UBP1: variants seen among roughly 807,000 people sequenced by gnomAD.
UBP1 encodes upstream binding protein 1.
A neutral mutation model predicts 76.1 loss-of-function variants in UBP1; 22 were observed. The ratio of observed to expected loss-of-function variants is 0.29; its 90% CI spans 0.21 to 0.41. UBP1 has a LOEUF of 0.41. UBP1 is among the 10% of genes least tolerant of loss of function. UBP1 has a pLI of 1.00. For missense variants in UBP1, 436 were observed against 668.1 expected, an observed-to-expected ratio of 0.65 and a Z score of 3.83; for synonymous variants, 224 against 237.1, an observed-to-expected ratio of 0.94 and a Z score of 0.51.
In UBP1 at chr3:33,406,957, C is replaced by T. The variant is rs116070715; in HGVS notation, c.927+1733G>A. Among the ~76,000 whole-genome samples, 609 of 152,308 alleles carry T rather than the reference C, an allele frequency of 4.0e-3. 6 individuals are homozygous for T. The highest frequency in any genetic ancestry group is 0.013 in the African/African-American group (552 of 41,560). ...GGCACCATTTCATTCGGCATCTTTT[C>T]GACTCTAACAGTAAGTCTGGATATC... On this transcript the variant is annotated intron_variant, in intron 8 of 15. Coordinates refer to ENST00000283629, the MANE Select transcript of UBP1 (RefSeq NM_014517.5).
chr3:33,394,929 C>T (rs979178581), intron 13 of UBP1, among the ~76,000 whole-genome samples: 1 of 151,102 alleles, frequency 6.6e-6, no homozygotes, highest in Non-Finnish European at 1.5e-5. Flanking sequence ...ATGTGAGAGA[C>T]CCTATGTATG....
At chr3:33,410,563 T>C (rs1028470855) in intron 5 of UBP1, among the ~76,000 whole-genome samples, 1 of 152,216 alleles carries the variant, frequency 6.6e-6, no homozygotes, top group Non-Finnish European at 1.5e-5. Flanking sequence ...AAAGCATAGC[T>C]TATGAAGGCT....
intron 11 of UBP1, among the ~76,000 whole-genome samples, chr3:33,399,264 T>C (rs1021385899): frequency 6.6e-6 from 1 of 152,208 alleles, no homozygotes; most frequent in Non-Finnish European, 1.5e-5. Flanking sequence ...GAGCCAAATA[T>C]ATTTGGGAAA....
At chr3:33,436,304 T>C (rs2045203915) in intron 1 of UBP1, among the ~76,000 whole-genome samples, 1 of 152,258 alleles carries the variant, frequency 6.6e-6, no homozygotes, top group African/African-American at 2.4e-5. Context: ...ATACATTGTA[T>C]CATTAACTAC....
intron 7 of UBP1, 66 bp downstream of exon 7, chr3:33,409,170 A>G: frequency 6.8e-7 from 1 of 1,466,834 alleles, no homozygotes; most frequent in Non-Finnish European, 9.5e-7. Flanking sequence ...AGCAGAACTC[A>G]TCTTAGAAAT....
chr3:33,419,952 T>A (rs1006692589), intron 2 of UBP1, among the ~76,000 whole-genome samples: 2 of 152,222 alleles, frequency 1.3e-5, no homozygotes, highest in Non-Finnish European at 2.9e-5. Context: ...TTTCATGTTT[T>A]ATTTTTTGTT....
In UBP1 at chr3:33,408,609, A is replaced by C; in HGVS notation, c.927+81T>G. The stretch of plus-strand genomic sequence containing the variant: ...GGACATCAAAAACAATTTTGGCTTT[A>C]CTTTGCGGTGGAAGTTGGTCCTATA... On this transcript the variant is annotated intron_variant, in intron 8 of 15. Coordinates refer to ENST00000283629, the MANE Select transcript of UBP1 (RefSeq NM_014517.5). 5 of 1,175,444 alleles carry C rather than the reference A, an allele frequency of 4.3e-6. No homozygotes were observed. The Admixed American group carries it at 8.2e-5, about 19-fold the overall frequency. The allele number at this position is 1,175,444 out of a possible 1,614,324, so 72.8% of individuals were successfully genotyped here. A position where few individuals can be genotyped will look rare whatever the true frequency, so the allele number is the denominator to read the frequency against.
chr3:33,434,368 G>A (rs562059120), intron 1 of UBP1, among the ~76,000 whole-genome samples: 1 of 141,850 alleles, frequency 7.0e-6, no homozygotes, highest in Non-Finnish European at 1.5e-5. Context: ...GAGCAATCTC[G>A]GCTCACTGTA....
chr3:33,427,103 G>T (rs1438542467), intron 1 of UBP1, among the ~76,000 whole-genome samples: 2 of 152,214 alleles, frequency 1.3e-5, no homozygotes, highest in Non-Finnish European at 2.9e-5. Context: ...AAGTAGCTGG[G>T]ATTAGAGGCA....
chr3:33,430,521 C>G (rs560970916), intron 1 of UBP1, among the ~76,000 whole-genome samples: 9 of 152,280 alleles, frequency 5.9e-5, no homozygotes, highest in African/African-American at 2.2e-4. Flanking sequence ...ACTCTAGAAG[C>G]AAAAACCAAC....
chr3:33,439,588 GC>G, intron 1 of UBP1, 147 bp downstream of exon 1: 7 of 825,820 alleles, frequency 8.5e-6, no homozygotes, highest in East Asian at 3.0e-5. Context: ...GGGTTCCATG[GC>G]CCCCGACCGC....
At chr3:33,398,487 A>C (rs2044094654) in intron 11 of UBP1, 1 of 152,296 alleles carries the variant, frequency 6.6e-6, no homozygotes, top group African/African-American at 2.4e-5. Flanking sequence ...CATACAGAGA[A>C]CTGGACAGAT....
In UBP1 at chr3:33,423,597, A is replaced by G. The variant is rs372080183; in HGVS notation, c.265+1993T>C. Among the ~76,000 whole-genome samples the G allele has an allele frequency of 1.1e-4, 17 of 152,334 alleles. No individual in the cohort carries two copies. The East Asian group carries it at 1.5e-3, about 14-fold the overall frequency. ...CAAGGGAGCCTGCTGGAGTACTGGA[A>G]AAGATGGAAATAGGTAGTAGTTTCA... On this transcript the variant is annotated intron_variant, in intron 2 of 15. Coordinates refer to ENST00000283629, the MANE Select transcript of UBP1 (RefSeq NM_014517.5).
At chr3:33,408,656 T>C (rs769750651) in intron 8 of UBP1, 34 bp downstream of exon 8, 35 of 1,583,588 alleles carry the variant, frequency 2.2e-5, no homozygotes, top group Admixed American at 1.5e-4. Flanking sequence ...ACAAGGTTTC[T>C]TGCACAATGA....
In UBP1 at chr3:33,433,362, C is replaced by CT. The variant is rs573704559; in HGVS notation, c.113+6373dup. Among the ~76,000 whole-genome samples the CT allele has an allele frequency of 4.5e-4, 44 of 97,676 alleles. 1 individual carries two copies. The highest frequency in any genetic ancestry group is 2.1e-3 in the East Asian group (4 of 1,876). The allele number at this position is 97,676 out of a possible 152,430, so 64.1% of individuals were successfully genotyped here. A position where few individuals can be genotyped will look rare whatever the true frequency, so the allele number is the denominator to read the frequency against. ...AGGTGTGAGCCACCGCGCACCCAGCCTTTAAAAAAAAAAAAAAAAAAAAAA... is the reference window on the plus strand; with the variant it reads ...AGGTGTGAGCCACCGCGCACCCAGCCTTTTAAAAAAAAAAAAAAAAAAAAAA... On this transcript the variant is annotated intron_variant, in intron 1 of 15. Coordinates refer to ENST00000283629, the MANE Select transcript of UBP1 (RefSeq NM_014517.5).
chr3:33,430,894 T>G (rs954014045), intron 1 of UBP1, among the ~76,000 whole-genome samples: 15 of 152,090 alleles, frequency 9.9e-5, no homozygotes, highest in African/African-American at 3.4e-4. Flanking sequence ...GCTTGAGACA[T>G]CTCACTGATT....
Position 33,439,961 on chromosome 3 carries a change from G to A in UBP1, c.-113C>T. On this transcript the variant is annotated 5_prime_UTR_variant, in exon 1 of 16. Coordinates refer to ENST00000283629, the MANE Select transcript of UBP1 (RefSeq NM_014517.5). ...GCGCGGGTGAAGCCTCCGGAGGGGC[G>A]GCGAGTGGTCACCAGCGGCGGCCGG... 1 of 1,159,442 alleles carries A rather than the reference G, an allele frequency of 8.6e-7. No homozygotes were observed. The highest frequency in any genetic ancestry group is 1.2e-6 in the Non-Finnish European group (1 of 833,902). The allele number at this position is 1,159,442 out of a possible 1,614,324, so 71.8% of individuals were successfully genotyped here. A position where few individuals can be genotyped will look rare whatever the true frequency, so the allele number is the denominator to read the frequency against.
chr3:33,440,678 T>G (rs1052695976), upstream of UBP1: 5 of 152,314 alleles, frequency 3.3e-5, no homozygotes, highest in African/African-American at 1.2e-4. Context: ...GAGCAATACC[T>G]GCAAGGGCTT....
At chr3:33,397,834 A>G (rs902106745) in intron 11 of UBP1, 1 of 152,142 alleles carries the variant, frequency 6.6e-6, no homozygotes, top group African/African-American at 2.4e-5. Flanking sequence ...AGTGTTTGAC[A>G]CTTTTAAAAA....
Sources: gnomAD v4.1 joint callset for allele counts (sites outside exome capture counted in the v4.1 genomes callset) on GRCh38, gnomAD v4.1.1 for gene constraint, MANE v1.5 for transcripts, NCBI Gene and HGNC (gene_info 2026-07-23, HGNC 2026-07-21) for gene names.